The following DSCAM variants were observed in gnomAD, a reference collection of about 807,000 sequenced individuals.
DSCAM encodes cell adhesion molecule DSCAM.
DSCAM carries 47 observed loss-of-function variants against 217.7 expected under a neutral mutation model. The ratio of observed to expected loss-of-function variants is 0.22; its 90% CI spans 0.17 to 0.28. The LOEUF (loss-of-function observed/expected upper bound fraction) is 0.28, where lower values mean the gene tolerates loss of function less well. Ranked by LOEUF, DSCAM falls within the 10% of genes least tolerant of loss-of-function variation. DSCAM has a pLI of 1.00. For missense variants in DSCAM, 2,080 were observed against 2,618.3 expected (o/e 0.79, Z 4.49); for synonymous variants, 1,056 against 1,015.3 (o/e 1.04, Z -0.76).
chr21:40,090,544 A>T (rs1026773806), intron 21 of DSCAM, among the ~76,000 whole-genome samples: 1 of 152,180 alleles, frequency 6.6e-6, no homozygotes, highest in Non-Finnish European at 1.5e-5. Context: ...CAGCAGCAGC[A>T]GCCTCACCTG....
intron 3 of DSCAM, among the ~76,000 whole-genome samples, chr21:40,433,346 TAAAAAAAAAAA>T (rs10678618): frequency 1.1e-5 from 1 of 93,734 alleles, no homozygotes; most frequent in African/African-American, 4.3e-5. Context: ...AGACTCCGTC[TAAAAAAAAAAA>T]AAAAAAAAAA....
chr21:40,737,849 C>T (rs2091080417), intron 1 of DSCAM, among the ~76,000 whole-genome samples: 1 of 152,160 alleles, frequency 6.6e-6, no homozygotes, highest in Non-Finnish European at 1.5e-5. Context: ...CCCAGTCTTC[C>T]AGCCCATATC....
chr21:40,440,862 C>G (rs888220302), intron 3 of DSCAM, among the ~76,000 whole-genome samples: 2 of 152,194 alleles, frequency 1.3e-5, no homozygotes, highest in Non-Finnish European at 2.9e-5. Flanking sequence ...TTGAACAGCA[C>G]TTACAGTGTG....
At chr21:40,219,409 A>T (rs146849198) in intron 11 of DSCAM, among the ~76,000 whole-genome samples, 26 of 152,196 alleles carry the variant, frequency 1.7e-4, no homozygotes, top group African/African-American at 6.0e-4. Context: ...AAACTTATTT[A>T]AACCCATAAT....
chr21:40,727,979 T>C (rs77728853), intron 1 of DSCAM, among the ~76,000 whole-genome samples: 13,539 of 152,094 alleles, frequency 0.089, 788 homozygotes, highest in African/African-American at 0.16. Flanking sequence ...CTGGGATGTT[T>C]TTCTCCCAGA....
At chr21:40,035,730 C>A (rs2088608093) in intron 32 of DSCAM, among the ~76,000 whole-genome samples, 1 of 150,848 alleles carries the variant, frequency 6.6e-6, no homozygotes, top group South Asian at 2.1e-4. Context: ...CAGCACCACA[C>A]CACACGTATT....
chr21:40,693,779 C>T lies in DSCAM; in HGVS notation c.362-823G>A, dbSNP rs571628645. Among the ~76,000 whole-genome samples the T allele has an allele frequency of 2.0e-5, 3 of 152,182 alleles. No homozygotes were observed. In the South Asian group the frequency reaches 6.2e-4, roughly 32 times the overall value. On this transcript the variant is annotated intron_variant, in intron 2 of 32. Coordinates refer to ENST00000400454, the MANE Select transcript of DSCAM (RefSeq NM_001389.5). ...GAAGGATGTTGATTAGACAGCCTGC[C>T]CAAACACTCCAATGATAGGAGCATC...
At chr21:40,512,124 G>T (rs2076264169) in intron 3 of DSCAM, among the ~76,000 whole-genome samples, 1 of 152,050 alleles carries the variant, frequency 6.6e-6, no homozygotes, top group Non-Finnish European at 1.5e-5. Context: ...GAGTGTGTGT[G>T]TTTGCAGGAG....
intron 11 of DSCAM, among the ~76,000 whole-genome samples, chr21:40,256,452 G>GAC (rs141402139): frequency 0.042 from 6,364 of 151,166 alleles, 461 homozygotes; most frequent in African/African-American, 0.15. Context: ...CACACAGACA[G>GAC]ACACACACAC....
At chr21:40,453,107 A>C (rs2075735203) in intron 3 of DSCAM, among the ~76,000 whole-genome samples, 1 of 150,148 alleles carries the variant, frequency 6.7e-6, no homozygotes, top group Admixed American at 6.6e-5. Context: ...ATATGTGTAT[A>C]TCTACACATA....
chr21:40,480,706 G>A (rs183926713), intron 3 of DSCAM, among the ~76,000 whole-genome samples: 140 of 152,296 alleles, frequency 9.2e-4, no homozygotes, highest in Admixed American at 1.4e-3. Context: ...ATTAAACAGC[G>A]ATGTGCCACA....
intron 1 of DSCAM, among the ~76,000 whole-genome samples, chr21:40,845,567 C>CTCTCTG (rs1002506959): frequency 6.7e-6 from 1 of 149,500 alleles, no homozygotes; most frequent in Non-Finnish European, 1.5e-5. Context: ...CTCTCTCTCT[C>CTCTCTG]TCTGTCTCTG....
chr21:40,657,640 G>C (rs544325170), intron 3 of DSCAM, among the ~76,000 whole-genome samples: 3 of 152,302 alleles, frequency 2.0e-5, no homozygotes, highest in South Asian at 2.1e-4. Context: ...AAAATTGACA[G>C]GCAGAAAGAA....
intron 20 of DSCAM, among the ~76,000 whole-genome samples, chr21:40,116,777 C>G (rs551155597): frequency 6.7e-6 from 1 of 150,190 alleles, no homozygotes; most frequent in Non-Finnish European, 1.5e-5. Context: ...CCGAGGCGGG[C>G]GGATCATGAG....
chr21:40,535,723 A>G (rs1257500202), intron 3 of DSCAM, among the ~76,000 whole-genome samples: 2 of 152,208 alleles, frequency 1.3e-5, no homozygotes, highest in African/African-American at 4.8e-5. Flanking sequence ...ACAGGCAGAT[A>G]AATACATAAC....
chr21:40,013,017 T>C lies in DSCAM; in HGVS notation c.*17A>G. 1.4e-6 allele frequency: 2 copies of C among 1,408,532 alleles called. No homozygotes were observed. The highest frequency in any genetic ancestry group is 1.9e-6 in the Non-Finnish European group (2 of 1,073,156). The allele number at this position is 1,408,532 out of a possible 1,614,324, so 87.3% of individuals were successfully genotyped here. On this transcript the variant is annotated 3_prime_UTR_variant, in exon 33 of 33. Coordinates refer to ENST00000400454, the MANE Select transcript of DSCAM (RefSeq NM_001389.5). ...GTTTGAATTGTATTTACAACCGCTG[T>C]CCAGTCATGCTGTCTGTTATACCAG...
chr21:40,228,129 G>A (rs965766682), intron 11 of DSCAM, among the ~76,000 whole-genome samples: 1 of 152,158 alleles, frequency 6.6e-6, no homozygotes, highest in Non-Finnish European at 1.5e-5. Flanking sequence ...CGGAGGTAAA[G>A]TACCATTCTC....
chr21:40,426,504 C>T (rs375132860), intron 3 of DSCAM, among the ~76,000 whole-genome samples: 11 of 152,162 alleles, frequency 7.2e-5, no homozygotes, highest in East Asian at 3.9e-4. Flanking sequence ...TTTGTCATCT[C>T]GTTATACATT....
At chr21:40,403,641 AC>A (rs2075257538) in intron 3 of DSCAM, among the ~76,000 whole-genome samples, 1 of 151,218 alleles carries the variant, frequency 6.6e-6, no homozygotes, top group Non-Finnish European at 1.5e-5. Context: ...ACACACACAC[AC>A]ACACACACAC....
Sources: gnomAD v4.1 joint callset for allele counts (sites outside exome capture counted in the v4.1 genomes callset) on GRCh38, gnomAD v4.1.1 for gene constraint, MANE v1.5 for transcripts, NCBI Gene and HGNC (gene_info 2026-07-23, HGNC 2026-07-21) for gene names.